PLEKHH2: variants seen among roughly 807,000 people sequenced by gnomAD.
PLEKHH2 encodes the protein pleckstrin homology, MyTH4 and FERM domain containing H2, also known as pleckstrin homology domain-containing family H member 2.
Under a neutral mutation model 187.9 loss-of-function variants are expected in PLEKHH2, and 129 were observed. The ratio of observed to expected loss-of-function variants is 0.69; its 90% CI spans 0.59 to 0.79. PLEKHH2 has a LOEUF of 0.79. PLEKHH2 is among the 30% of genes least tolerant of loss of function. The probability of loss-of-function intolerance (pLI) is 0.00; values close to 1 mark genes in which losing one functional copy is unlikely to be tolerated. For synonymous variants in PLEKHH2, 686 were observed against 605.6 expected, an observed-to-expected ratio of 1.13 and a Z score of -1.95; for missense variants, 2,076 against 1,751.2, an observed-to-expected ratio of 1.19 and a Z score of -3.31.
At chr2:43,707,196 C>CAAAAAAAAAAA (rs60819579) in intron 10 of PLEKHH2, among the ~76,000 whole-genome samples, 71 of 88,180 alleles carry the variant, frequency 8.1e-4, no homozygotes, top group African/African-American at 3.1e-3. Flanking sequence ...GACTCCACCT[C>CAAAAAAAAAAA]AAAAAAAAAA....
intron 3 of PLEKHH2, among the ~76,000 whole-genome samples, chr2:43,690,151 A>C (rs556669483): frequency 5.3e-4 from 80 of 152,338 alleles, no homozygotes; most frequent in African/African-American, 1.9e-3. Context: ...GGCTATAGCT[A>C]TACCATCTTA....
rs1672462137 is a variant in PLEKHH2 at position 43,762,370 on chromosome 2, C to T, written c.4138C>T (p.Leu1380Phe). The T allele has an allele frequency of 1.2e-6, 2 of 1,611,026 alleles. No individual in the cohort carries two copies. The highest frequency in any genetic ancestry group is 1.7e-6 in the Non-Finnish European group (2 of 1,177,352). ...WLAVHEDGLS[L>F]LEYNSMRLIV... ...GGCTGTACATGAGGATGGTTTAAGC[C>T]TCTTAGAATACAACTCCATGGTAAG... The change falls in exon 28 of 30, where the codon CTC becomes TTC. Residue 1380 changes from leucine (L) to phenylalanine (F), a missense_variant. By Grantham distance (22) the Leu-to-Phe change is conservative. Coordinates refer to ENST00000282406, the MANE Select transcript of PLEKHH2 (RefSeq NM_172069.4).
At chr2:43,676,696 C>A (rs1179558943) in intron 2 of PLEKHH2, among the ~76,000 whole-genome samples, 2 of 152,152 alleles carry the variant, frequency 1.3e-5, no homozygotes, top group Non-Finnish European at 2.9e-5. Flanking sequence ...CCTGGTACAA[C>A]ACATCCCGTA....
intron 2 of PLEKHH2, among the ~76,000 whole-genome samples, chr2:43,649,278 G>A (rs1247445360): frequency 2.6e-5 from 4 of 152,170 alleles, no homozygotes; most frequent in Non-Finnish European, 4.4e-5. Flanking sequence ...TAGTTTCTGA[G>A]TCAGGGAGGG....
intron 3 of PLEKHH2, among the ~76,000 whole-genome samples, chr2:43,690,184 C>A (rs914006654): frequency 6.6e-6 from 1 of 152,198 alleles, no homozygotes; most frequent in African/African-American, 2.4e-5. Flanking sequence ...AGCTGTCTGT[C>A]CTGCTTGGGC....
At chr2:43,744,096 A>G (rs940357974) in intron 23 of PLEKHH2, 107 bp downstream of exon 23, 142 of 1,472,744 alleles carry the variant, frequency 9.6e-5, no homozygotes, top group Non-Finnish European at 1.2e-4. Flanking sequence ...GTTTTCCAAA[A>G]CTTTAACCAA....
At chr2:43,660,405 G>T (rs1190074116) in intron 2 of PLEKHH2, among the ~76,000 whole-genome samples, 1 of 145,048 alleles carries the variant, frequency 6.9e-6, no homozygotes, top group South Asian at 2.2e-4. Context: ...TAGGAGTAGG[G>T]TTATAGGTCT....
chr2:43,763,495 C>T (rs1337007007), intron 28 of PLEKHH2, among the ~76,000 whole-genome samples: 1 of 151,980 alleles, frequency 6.6e-6, no homozygotes, highest in African/African-American at 2.4e-5. Context: ...TCACTGCTCC[C>T]TGCATCCTTG....
intron 2 of PLEKHH2, among the ~76,000 whole-genome samples, chr2:43,669,143 T>C (rs1667376073): frequency 6.6e-6 from 1 of 152,178 alleles, no homozygotes; most frequent in African/African-American, 2.4e-5. Flanking sequence ...GTTCCAGCAA[T>C]CTGTTAACTT....
chr2:43,765,382 G>A (rs1052168135), intron 29 of PLEKHH2, 31 bp from the exon 30 acceptor site: 1 of 1,602,610 alleles, frequency 6.2e-7, no homozygotes, highest in African/African-American at 1.3e-5. Flanking sequence ...AACTTCTAAG[G>A]AGCAAAACAA....
At chr2:43,689,499 A>G (rs1374777487) in intron 3 of PLEKHH2, among the ~76,000 whole-genome samples, 2 of 152,112 alleles carry the variant, frequency 1.3e-5, no homozygotes, top group East Asian at 1.9e-4. Flanking sequence ...CAAGTGAGCT[A>G]TTTTCCATAT....
Position 43,692,621 on chromosome 2 carries a change from AGAT to A in PLEKHH2, c.297_299del (p.Asp100del). 6.2e-7 allele frequency: 1 copy of A among 1,613,440 alleles called. No homozygotes were observed. Among genetic ancestry groups the A allele is most frequent in the Non-Finnish European group, 8.5e-7 (1 of 1,179,690 alleles). On this transcript the variant is annotated inframe_deletion, in exon 4 of 30. Transcript: ENST00000282406. ...ATCTGGAGTCGCTAATACAGGAAAAAGATGACGTCATTCAAAACTTGGAATTGC... is the reference window on the plus strand; with the variant it reads ...ATCTGGAGTCGCTAATACAGGAAAAAGACGTCATTCAAAACTTGGAATTGC...
At chr2:43,762,044 G>C (rs1474327517) in intron 27 of PLEKHH2, among the ~76,000 whole-genome samples, 1 of 152,084 alleles carries the variant, frequency 6.6e-6, no homozygotes, top group Non-Finnish European at 1.5e-5. Flanking sequence ...AGGAAATTGA[G>C]CCTCAAACAG....
chr2:43,644,443 T>C (rs59383803), intron 1 of PLEKHH2, among the ~76,000 whole-genome samples: 1 of 96,666 alleles, frequency 1.0e-5, no homozygotes, highest in Non-Finnish European at 2.3e-5. Context: ...AGTAGCACAG[T>C]TGGGCTCCAT....
intron 8 of PLEKHH2, among the ~76,000 whole-genome samples, 186 bp downstream of exon 8, chr2:43,700,794 C>T (rs1449318421): frequency 1.3e-5 from 2 of 152,076 alleles, no homozygotes; most frequent in African/African-American, 4.8e-5. Context: ...CTGATACAGG[C>T]ATGCACTACC....
At chr2:43,678,648 G>A (rs867195154) in intron 2 of PLEKHH2, among the ~76,000 whole-genome samples, 8 of 151,928 alleles carry the variant, frequency 5.3e-5, no homozygotes, top group African/African-American at 1.4e-4. Flanking sequence ...GCAGTGAGCC[G>A]AGATGGCAGC....
In PLEKHH2 at chr2:43,721,272, A is replaced by G. The variant is rs75608413; in HGVS notation, c.2541+523A>G. ...GAATAAAAAGATGGGGTGTCTGCCC[A>G]AAGGTAAAACGCATGCCCAGTCATC... is the stretch of plus-strand genomic sequence containing the variant. On this transcript the variant is annotated intron_variant, in intron 16 of 29. Transcript: ENST00000282406. 6.4e-3 allele frequency among the ~76,000 whole-genome samples: 976 copies of G among 152,300 alleles called. 10 individuals are homozygous for G. The highest frequency in any genetic ancestry group is 0.023 in the African/African-American group (941 of 41,564).
chr2:43,651,431 T>A (rs1374417248), intron 2 of PLEKHH2, among the ~76,000 whole-genome samples: 2 of 152,224 alleles, frequency 1.3e-5, no homozygotes, highest in Non-Finnish European at 2.9e-5. Context: ...CTGTGATAAG[T>A]TCCCTGATAA....
chr2:43,652,107 T>C (rs987586198), intron 2 of PLEKHH2, among the ~76,000 whole-genome samples: 3 of 152,192 alleles, frequency 2.0e-5, no homozygotes, highest in Non-Finnish European at 2.9e-5. Flanking sequence ...AGGTCATAGA[T>C]GCCATAGCTG....
Sources: allele counts gnomAD v4.1 joint callset (sites outside exome capture counted in the v4.1 genomes callset), GRCh38; gene constraint gnomAD v4.1.1; transcripts MANE v1.5; gene names NCBI Gene and HGNC (gene_info 2026-07-23, HGNC 2026-07-21).